The following BCKDHB variants were observed in gnomAD, a reference collection of about 807,000 sequenced individuals.
BCKDHB encodes the protein 2-oxoisovalerate dehydrogenase subunit beta, mitochondrial.
Under a neutral mutation model 48.5 loss-of-function variants are expected in BCKDHB, and 41 were observed. The ratio of observed to expected loss-of-function variants is 0.85; its 90% CI spans 0.66 to 1.10. The LOEUF is 1.10. BCKDHB is among the 50% of genes least tolerant of loss of function. BCKDHB has a pLI of 0.00. For synonymous variants in BCKDHB, 201 were observed against 174.8 expected (o/e 1.15, Z -1.18); for missense variants, 496 against 494.2 (o/e 1.00, Z -0.03).
intron 1 of BCKDHB, among the ~76,000 whole-genome samples, chr6:80,107,751 G>T (rs9352801): frequency 0.37 from 55,606 of 151,348 alleles, 12,205 homozygotes; most frequent in Admixed American, 0.56. Context: ...GAGGTGAAGG[G>T]GATGAGAGGA....
the BCKDHB span, among the ~76,000 whole-genome samples, chr6:80,399,126 A>G: frequency 2.6e-5 from 4 of 152,280 alleles, no homozygotes; most frequent in South Asian, 2.1e-4. Context: ...AGGGCCATCT[A>G]TGAAAACCCA....
the BCKDHB span, among the ~76,000 whole-genome samples, chr6:80,439,640 G>A: frequency 6.6e-6 from 1 of 152,096 alleles, no homozygotes; most frequent in African/African-American, 2.4e-5. Context: ...TTTTTAAAGG[G>A]CTAAACAAAA....
At chr6:80,358,219 T>G in the BCKDHB span, among the ~76,000 whole-genome samples, 1 of 152,194 alleles carries the variant, frequency 6.6e-6, no homozygotes, top group Non-Finnish European at 1.5e-5. Context: ...TAACCTTTGT[T>G]TTTCTCACAG....
At chr6:80,234,128 A>G (rs1490028998) in intron 8 of BCKDHB, among the ~76,000 whole-genome samples, 2 of 152,214 alleles carry the variant, frequency 1.3e-5, no homozygotes, top group Non-Finnish European at 2.9e-5. Context: ...GAGCTCAGGC[A>G]GTAATGCTCC....
intron 8 of BCKDHB, among the ~76,000 whole-genome samples, chr6:80,215,133 A>T (rs188449067): frequency 1.3e-5 from 2 of 152,332 alleles, no homozygotes; most frequent in East Asian, 3.9e-4. Context: ...TTCCTTAGGC[A>T]TAGGGAAAAA....
intron 1 of BCKDHB, among the ~76,000 whole-genome samples, chr6:80,122,160 A>G (rs1483866545): frequency 6.6e-6 from 1 of 152,180 alleles, no homozygotes; most frequent in Non-Finnish European, 1.5e-5. Flanking sequence ...ACGTTTATTG[A>G]TTTGCATATG....
the BCKDHB span, among the ~76,000 whole-genome samples, chr6:80,395,403 A>T: frequency 2.6e-5 from 4 of 152,218 alleles, no homozygotes; most frequent in Admixed American, 2.6e-4. Flanking sequence ...GTGATGTCAG[A>T]TGGAGAAGGG....
intron 3 of BCKDHB, among the ~76,000 whole-genome samples, chr6:80,150,454 A>G (rs1331489328): frequency 6.6e-6 from 1 of 151,654 alleles, no homozygotes; most frequent in East Asian, 1.9e-4. Flanking sequence ...CAGTAAATAT[A>G]TTGCATATCA....
rs541461879 is a variant in BCKDHB at position 80,219,627 on chromosome 6, C to T, written c.951+16415C>T. The stretch of plus-strand genomic sequence containing the variant: ...TAAAGGCACCATTTCCTGGGTCCTG[C>T]GATTTGCTCTTCCATGGTTATCTTT... On this transcript the variant is annotated intron_variant, in intron 8 of 9. Coordinates refer to ENST00000320393, the MANE Select transcript of BCKDHB (RefSeq NM_183050.4). 2.0e-5 allele frequency among the ~76,000 whole-genome samples: 3 copies of T among 152,272 alleles called. No individual in the cohort carries two copies. In the East Asian group the frequency reaches 5.8e-4, roughly 29 times the overall value.
chr6:80,367,958 G>A, the BCKDHB span, among the ~76,000 whole-genome samples: 3 of 152,202 alleles, frequency 2.0e-5, no homozygotes, highest in African/African-American at 4.8e-5. Flanking sequence ...TGTGGCAATA[G>A]CATTACACTG....
Position 80,238,235 on chromosome 6 carries a change from C to T in BCKDHB, c.952-34900C>T, listed in dbSNP as rs566646547. 1.1e-4 allele frequency among the ~76,000 whole-genome samples: 17 copies of T among 152,254 alleles called. No homozygotes were observed. In the South Asian group the frequency reaches 3.5e-3, roughly 32 times the overall value. On this transcript the variant is annotated intron_variant, in intron 8 of 9. Coordinates refer to ENST00000320393, the MANE Select transcript of BCKDHB (RefSeq NM_183050.4). ...GCCTCAGCCTCCTGAGTAGCTGGGG[C>T]TACAGGCGCATGCCACCACACCCGG... is the stretch of plus-strand genomic sequence containing the variant.
intron 9 of BCKDHB, among the ~76,000 whole-genome samples, chr6:80,287,761 T>A (rs1766701678): frequency 6.6e-6 from 1 of 152,164 alleles, no homozygotes; most frequent in South Asian, 2.1e-4. Context: ...CCATTCCCCC[T>A]GGACGCATGT....
At chr6:80,115,850 A>G (rs1003944241) in intron 1 of BCKDHB, among the ~76,000 whole-genome samples, 2 of 151,930 alleles carry the variant, frequency 1.3e-5, no homozygotes, top group African/African-American at 2.4e-5. Context: ...GTTAGCAAGG[A>G]TGGTCTCAAT....
At chr6:80,349,056 C>T (rs538655882), downstream of BCKDHB, among the ~76,000 whole-genome samples, 6 of 152,250 alleles carry the variant, frequency 3.9e-5, no homozygotes, top group South Asian at 1.2e-3. Context: ...GAAGTGATGG[C>T]TCCATATTGC....
chr6:80,181,039 C>T (rs1417504528), intron 6 of BCKDHB, among the ~76,000 whole-genome samples: 1 of 152,178 alleles, frequency 6.6e-6, no homozygotes, highest in African/African-American at 2.4e-5. Context: ...TCTTTCCCCA[C>T]AGGCAACAAC....
intron 8 of BCKDHB, among the ~76,000 whole-genome samples, chr6:80,238,342 G>T (rs879376374): frequency 9.9e-5 from 15 of 152,120 alleles, no homozygotes; most frequent in Non-Finnish European, 1.9e-4. Flanking sequence ...CAGGTCATCT[G>T]CTGGCCTTGG....
the BCKDHB span, among the ~76,000 whole-genome samples, chr6:80,367,216 A>G: frequency 1.3e-5 from 2 of 152,060 alleles, no homozygotes. Flanking sequence ...CTTTCTCTCG[A>G]TTTGTCATGG....
the BCKDHB span, among the ~76,000 whole-genome samples, chr6:80,352,881 A>G: frequency 1.3e-5 from 2 of 152,214 alleles, no homozygotes; most frequent in Admixed American, 1.3e-4. Flanking sequence ...TGTCCTTTAG[A>G]AACCATACTC....
rs1354121882 is a variant in BCKDHB, at chr6:80,273,211, C to T, written c.1028C>T (p.Ser343Phe). The change falls in exon 9 of 10, where the codon TCT becomes TTT. Residue 343 changes from serine to phenylalanine, a missense_variant. Ser to Phe is a radical substitution (Grantham distance 155). Coordinates refer to ENST00000320393, the MANE Select transcript of BCKDHB (RefSeq NM_183050.4). ...GGCGGCTTTGCATCGGAAATCAGCT[C>T]TACAGTTCAGGTAGAGTAATTTTTG... is the stretch of plus-strand genomic sequence containing the variant. ...LTGGFASEIS[S>F]TVQEECFLNL... is the part of the protein sequence containing the mutation. The T allele has an allele frequency of 1.2e-6, 2 of 1,613,342 alleles. No homozygotes were observed. The highest frequency in any genetic ancestry group is 1.7e-6 in the Non-Finnish European group (2 of 1,179,538).
Sources: gnomAD v4.1 joint callset for allele counts (sites outside exome capture counted in the v4.1 genomes callset) on GRCh38, gnomAD v4.1.1 for gene constraint, MANE v1.5 for transcripts, NCBI Gene and HGNC (gene_info 2026-07-23, HGNC 2026-07-21) for gene names.